The following ZHX1 variants were observed in gnomAD, a reference collection of about 807,000 sequenced individuals.
ZHX1 encodes zinc fingers and homeoboxes protein 1.
Under a neutral mutation model 61.8 loss-of-function variants are expected in ZHX1, and 20 were observed. The observed-to-expected ratio is 0.32, with a 90% CI of 0.23 to 0.47. The LOEUF is 0.47. Among genes scored for constraint, ZHX1 ranks in the 20% least tolerant of loss-of-function variants. The pLI, the probability that ZHX1 is intolerant of heterozygous loss-of-function variation, is 1.00. For synonymous variants in ZHX1, 318 were observed against 352.6 expected, an observed-to-expected ratio of 0.90 and a Z score of 1.10; for missense variants, 800 against 1,034.8, an observed-to-expected ratio of 0.77 and a Z score of 3.11.
At chr8:123,269,111 G>A (rs913561866) in intron 1 of ZHX1, among the ~76,000 whole-genome samples, 5 of 152,082 alleles carry the variant, frequency 3.3e-5, no homozygotes, top group African/African-American at 9.7e-5. Context: ...TCCTTGTTCC[G>A]CCACTCGTTA....
Position 123,255,226 on chromosome 8 carries a change from T to C in ZHX1, c.721A>G (p.Arg241Gly), listed in dbSNP as rs1274494036. The C allele has an allele frequency of 6.2e-7, 1 of 1,614,244 alleles. No individual in the cohort carries two copies. ...GTGCTGGCAGTACTTGGATGTATTC[T>C]GTTTACAATGGAAGTACTTGTATTA... ...ESNTSTSIVNRIHPSTASTVV... is the reference protein window; with the variant it reads ...ESNTSTSIVNGIHPSTASTVV... The change falls in exon 3 of 4, where the codon AGA becomes GGA. Residue 241 changes from arginine (R) to glycine (G), a missense_variant. Physicochemically the swap from Arg to Gly is moderately radical, Grantham distance 125 (BLOSUM62 -2). Transcript: ENST00000395571.
chr8:123,263,251 C>T (rs939584426), intron 2 of ZHX1, among the ~76,000 whole-genome samples: 2 of 149,782 alleles, frequency 1.3e-5, no homozygotes, highest in East Asian at 2.0e-4. Flanking sequence ...AGCCAGTTTC[C>T]GTAGATCTAT....
chr8:123,251,190 T>C (rs1825907669), intron 3 of ZHX1, among the ~76,000 whole-genome samples: 1 of 152,176 alleles, frequency 6.6e-6, no homozygotes, highest in Non-Finnish European at 1.5e-5. Flanking sequence ...CTCTCTCCTG[T>C]TCGGTCATGG....
chr8:123,262,891 G>A (rs374374051), intron 2 of ZHX1: 1 of 149,836 alleles, frequency 6.7e-6, no homozygotes, highest in East Asian at 2.0e-4. Flanking sequence ...ATGCGGAGAA[G>A]ATTAGCATGG....
chr8:123,272,235 T>A (rs2131229621), intron 1 of ZHX1, among the ~76,000 whole-genome samples: 1 of 152,346 alleles, frequency 6.6e-6, no homozygotes, highest in African/African-American at 2.4e-5. Context: ...CTCATTTTAA[T>A]CCTGATTGTC....
rs1188661327 is a variant in ZHX1, at chr8:123,249,295, CG to C, written c.*1028del. ...AGTATGAACTTTCAGTCTCCTGATA[CG>C]GCAAGAGTTAACAGTTAACACTCCC... On this transcript the variant is annotated 3_prime_UTR_variant, in exon 4 of 4. Transcript: ENST00000395571. 1 of 152,086 alleles carries C rather than the reference CG, an allele frequency of 6.6e-6. No individual in the cohort carries two copies. Among genetic ancestry groups the C allele is most frequent in the Non-Finnish European group, 1.5e-5 (1 of 67,992 alleles). The allele number at this position is 152,086 out of a possible 1,614,324, so 9.4% of individuals were successfully genotyped here.
Position 123,254,562 on chromosome 8 carries a change from G to A in ZHX1, c.1385C>T (p.Pro462Leu). 6.2e-7 allele frequency: 1 copy of A among 1,614,146 alleles called. No individual in the cohort carries two copies. The highest frequency in any genetic ancestry group is 8.5e-7 in the Non-Finnish European group (1 of 1,180,028). ...TTTTGCCCGAATGCCAAATGAATCA[G>A]GGTTTACCAATGCAGTTTCATGTTT... ...SVKHETALVN[P>L]DSFGIRAKKT... Residue 462 changes from proline (P) to leucine (L), a missense_variant, in exon 3 of 4, where the codon CCT becomes CTT. Coordinates refer to ENST00000395571, the MANE Select transcript of ZHX1 (RefSeq NM_007222.5). The surrounding 1 kb of genome is among the most constrained non-coding windows in gnomAD (Gnocchi z 4.1).
At chr8:123,251,851 A>C (rs886069650) in intron 3 of ZHX1, among the ~76,000 whole-genome samples, 1 of 152,158 alleles carries the variant, frequency 6.6e-6, no homozygotes, top group African/African-American at 2.4e-5. Flanking sequence ...GCTTATTAAA[A>C]CAGGTACATT....
At chr8:123,273,414 G>A (rs375488719) in intron 1 of ZHX1, among the ~76,000 whole-genome samples, 1 of 152,068 alleles carries the variant, frequency 6.6e-6, no homozygotes, top group Non-Finnish European at 1.5e-5. Flanking sequence ...GGGCCCTAAG[G>A]CTTGGAGGAT....
intron 2 of ZHX1, among the ~76,000 whole-genome samples, chr8:123,264,224 C>A (rs1826377134): frequency 6.6e-6 from 1 of 152,042 alleles, no homozygotes. Flanking sequence ...ATAAAGACAG[C>A]AAATGCAAAT....
At chr8:123,264,558 A>G (rs1237856442) in intron 2 of ZHX1, among the ~76,000 whole-genome samples, 1 of 152,022 alleles carries the variant, frequency 6.6e-6, no homozygotes, top group Non-Finnish European at 1.5e-5. Flanking sequence ...ACATGAATAA[A>G]AACAAACTTT....
intron 2 of ZHX1, among the ~76,000 whole-genome samples, chr8:123,261,058 A>G (rs1268707785): frequency 6.6e-6 from 1 of 152,154 alleles, no homozygotes; most frequent in African/African-American, 2.4e-5. Context: ...ATCCACTGTC[A>G]GGTCCCCATG....
chr8:123,259,709 C>T (rs1028355005), intron 2 of ZHX1, among the ~76,000 whole-genome samples: 2 of 152,138 alleles, frequency 1.3e-5, no homozygotes, highest in African/African-American at 4.8e-5. Flanking sequence ...CTGAGAGAGA[C>T]TATATTTAAT....
chr8:123,263,597 C>G (rs142842743), intron 2 of ZHX1, among the ~76,000 whole-genome samples: 1,707 of 152,064 alleles, frequency 0.011, 33 homozygotes, highest in African/African-American at 0.038. Context: ...TTTGGGAGGC[C>G]AAAGTGGGCA....
chr8:123,265,150 T>C (rs1051970383), intron 2 of ZHX1, among the ~76,000 whole-genome samples: 5 of 149,858 alleles, frequency 3.3e-5, no homozygotes, highest in African/African-American at 4.9e-5. Flanking sequence ...GATTGCGCCA[T>C]TGCACTCCAG....
At position 123,255,129 on chromosome 8, in the gene ZHX1, G is replaced by C. The variant is rs1271119322; in HGVS notation, c.818C>G (p.Ser273Cys). The change falls in exon 3 of 4, where the codon TCT becomes TGT. Residue 273 changes from serine (S) to cysteine (C), a missense_variant. Transcript: ENST00000395571. ...VITAVSAQQN[S>C]NLIPKVLIPV... The stretch of plus-strand genomic sequence containing the variant: ...GATTAAGACTTTGGGAATCAAATTA[G>C]AATTCTGCTGAGCAGATACAGCAGT... The C allele has an allele frequency of 6.2e-7, 1 of 1,614,200 alleles. No homozygotes were observed. Among genetic ancestry groups the C allele is most frequent in the Non-Finnish European group, 8.5e-7 (1 of 1,180,022 alleles).
chr8:123,260,290 G>A (rs567035895), intron 2 of ZHX1, among the ~76,000 whole-genome samples: 2 of 152,258 alleles, frequency 1.3e-5, no homozygotes, highest in African/African-American at 4.8e-5. Context: ...GTTCTGAGAT[G>A]TGTTTAAAAG....
intron 1 of ZHX1, 136 bp from the exon 2 acceptor site, chr8:123,267,522 A>G (rs1826495454): frequency 2.3e-5 from 9 of 384,770 alleles, no homozygotes; most frequent in Middle Eastern, 1.3e-3. Context: ...CAAAACTTTA[A>G]AAGAACCATT....
chr8:123,274,949 C>T (rs1172792653), upstream of ZHX1, among the ~76,000 whole-genome samples: 3 of 152,186 alleles, frequency 2.0e-5, no homozygotes, highest in African/African-American at 4.8e-5. Flanking sequence ...GCCCAGCGCC[C>T]TGACAGAAGT....
Sources: allele counts gnomAD v4.1 joint callset (sites outside exome capture counted in the v4.1 genomes callset), GRCh38; gene constraint gnomAD v4.1.1; non-coding constraint Gnocchi (gnomAD v3.1); transcripts MANE v1.5; gene names NCBI Gene and HGNC (gene_info 2026-07-23, HGNC 2026-07-21).